Variants in MAP2K5 observed in about 807,000 individuals in gnomAD.
The protein encoded by MAP2K5 is dual specificity mitogen-activated protein kinase kinase 5.
A neutral mutation model predicts 83.1 loss-of-function variants in MAP2K5; 49 were observed. That is an observed-to-expected ratio of 0.59 (90% CI 0.47 to 0.75). The LOEUF is 0.75. MAP2K5 is among the 30% of genes least tolerant of loss of function. The pLI, the probability that MAP2K5 is intolerant of heterozygous loss-of-function variation, is 0.00. For synonymous variants in MAP2K5, 202 were observed against 191.8 expected, an observed-to-expected ratio of 1.05 and a Z score of -0.44; for missense variants, 457 against 557.5, an observed-to-expected ratio of 0.82 and a Z score of 1.82.
chr15:67,667,965 T>A (rs1268058455), intron 13 of MAP2K5, among the ~76,000 whole-genome samples: 1 of 152,170 alleles, frequency 6.6e-6, no homozygotes, highest in Non-Finnish European at 1.5e-5. Flanking sequence ...AAACCACTCA[T>A]CCCATGAGGC....
Position 67,646,468 on chromosome 15 carries a change from TG to T in MAP2K5, c.736+1del. On this transcript the variant is annotated frameshift_variant and splice_region_variant, in exon 11 of 22. Transcript: ENST00000178640. LOFTEE classifies it high-confidence loss of function. ...RISICTEFMD[G>X]GSLDVYRKMP... ...TTTCAATATGTACAGAATTCATGGA[TG>T]GTGAGTTTTCCCTTTTATAATACTT... 6.4e-7 allele frequency: 1 copy of T among 1,563,718 alleles called. No individual in the cohort carries two copies.
rs1398912715 is a variant in MAP2K5 at position 67,562,040 on chromosome 15, A to T, written c.185-1243A>T. On this transcript the variant is annotated intron_variant, in intron 2 of 21. Transcript: ENST00000178640. The surrounding 1 kb of genome is among the most constrained non-coding windows in gnomAD (Gnocchi z 4.1). ...GGGATCAGAACAGTCTTTCTATATGATCAAATCAGCAATTATATGCCCAAG... is the reference window on the plus strand; with the variant it reads ...GGGATCAGAACAGTCTTTCTATATGTTCAAATCAGCAATTATATGCCCAAG... Among the ~76,000 whole-genome samples the T allele has an allele frequency of 6.6e-6, 1 of 152,220 alleles. No homozygotes were observed. The highest frequency in any genetic ancestry group is 2.4e-5 in the African/African-American group (1 of 41,452).
chr15:67,623,411 A>G (rs893298903), intron 8 of MAP2K5, among the ~76,000 whole-genome samples: 1 of 152,170 alleles, frequency 6.6e-6, no homozygotes, highest in Non-Finnish European at 1.5e-5. Flanking sequence ...CTACGTGTTT[A>G]AGTTTTTCTT....
At chr15:67,667,815 TA>T (rs1386000769) in intron 13 of MAP2K5, among the ~76,000 whole-genome samples, 1 of 152,216 alleles carries the variant, frequency 6.6e-6, no homozygotes, top group Admixed American at 6.5e-5. Flanking sequence ...AGAAAGTGTA[TA>T]AATAAGTAGT....
chr15:67,585,147 T>A (rs1054691268), intron 4 of MAP2K5, among the ~76,000 whole-genome samples: 3 of 149,778 alleles, frequency 2.0e-5, no homozygotes, highest in Admixed American at 2.0e-4. Context: ...CCCCTTAACA[T>A]ACAATTTGTA....
intron 8 of MAP2K5, among the ~76,000 whole-genome samples, chr15:67,607,811 A>G (rs1363198925): frequency 1.3e-5 from 2 of 152,072 alleles, no homozygotes; most frequent in Non-Finnish European, 2.9e-5. Flanking sequence ...TTTTTATGAT[A>G]GTATAATTAT....
intron 1 of MAP2K5, among the ~76,000 whole-genome samples, chr15:67,547,698 C>T (rs571448607): frequency 6.6e-6 from 1 of 152,198 alleles, no homozygotes; most frequent in South Asian, 2.1e-4. Flanking sequence ...CTCAAGTGAT[C>T]CACCCACTTC....
intron 20 of MAP2K5, among the ~76,000 whole-genome samples, chr15:67,772,003 G>T (rs1171150427): frequency 1.3e-5 from 2 of 152,158 alleles, no homozygotes; most frequent in Non-Finnish European, 2.9e-5. Flanking sequence ...CTAAGTACAT[G>T]TTACAGCTAC....
intron 17 of MAP2K5, among the ~76,000 whole-genome samples, chr15:67,728,527 C>T (rs572801021): frequency 6.6e-6 from 1 of 152,026 alleles, no homozygotes. Flanking sequence ...TAGAAGGGTA[C>T]CAGCACTAAA....
rs1249964171 is a variant in MAP2K5, at chr15:67,736,065, C to CTA, written c.1074+8120_1074+8121insTA. The stretch of plus-strand genomic sequence containing the variant: ...ACCATTGTTACTTTCATTTCCCTAA[C>CTA]AGCTTAGCAATTCTCCTAGGTAACT... On this transcript the variant is annotated intron_variant, in intron 17 of 21. Coordinates refer to ENST00000178640, the MANE Select transcript of MAP2K5 (RefSeq NM_145160.3). This position sits in a 1 kb window ranked among gnomAD's most constrained non-coding sequence, Gnocchi z 4.3. Among the ~76,000 whole-genome samples, 2 of 152,216 alleles carry CTA rather than the reference C, an allele frequency of 1.3e-5. No individual in the cohort carries two copies. Among genetic ancestry groups the CTA allele is most frequent in the East Asian group, 3.8e-4 (2 of 5,202 alleles).
chr15:67,631,597 A>G (rs1447958597), intron 9 of MAP2K5, among the ~76,000 whole-genome samples: 1 of 152,174 alleles, frequency 6.6e-6, no homozygotes, highest in Admixed American at 6.6e-5. Context: ...ACCTGCCAAT[A>G]GAGTCAGGCT....
Position 67,801,100 on chromosome 15 carries a change from A to G in MAP2K5, c.1243-5546A>G, listed in dbSNP as rs1023144118. Among the ~76,000 whole-genome samples the G allele has an allele frequency of 2.0e-5, 3 of 152,196 alleles. No individual in the cohort carries two copies. Among genetic ancestry groups the G allele is most frequent in the African/African-American group, 7.2e-5 (3 of 41,452 alleles). On this transcript the variant is annotated intron_variant, in intron 21 of 21. Coordinates refer to ENST00000178640, the MANE Select transcript of MAP2K5 (RefSeq NM_145160.3). This position sits in a 1 kb window ranked among gnomAD's most constrained non-coding sequence, Gnocchi z 4.8. ...CCCTATGGCTCCGCTGGACTGTGAGATCCCATCTAGTCCTAACACTCCATT... is the reference window on the plus strand; with the variant it reads ...CCCTATGGCTCCGCTGGACTGTGAGGTCCCATCTAGTCCTAACACTCCATT...
At position 67,748,996 on chromosome 15, in the gene MAP2K5, AT is replaced by A. The variant is rs2089665080; in HGVS notation, c.1134+398del. ...GAAGAGCAAGCATAAGCTGGATGAA[AT>A]TTGCCTGCCTTGAGTTATTTACCCA... On this transcript the variant is annotated intron_variant, in intron 19 of 21. Transcript: ENST00000178640. This position sits in a 1 kb window ranked among gnomAD's most constrained non-coding sequence, Gnocchi z 4.0. 6.6e-6 allele frequency among the ~76,000 whole-genome samples: 1 copy of A among 152,184 alleles called. No homozygotes were observed. Among genetic ancestry groups the A allele is most frequent in the Admixed American group, 6.5e-5 (1 of 15,276 alleles).
chr15:67,593,526 A>G (rs778227244), intron 7 of MAP2K5, among the ~76,000 whole-genome samples: 91 of 152,326 alleles, frequency 6.0e-4, no homozygotes, highest in Middle Eastern at 6.8e-3. Context: ...ATTTCTTACT[A>G]ATTTTGATTC....
chr15:67,686,283 C>A (rs957302243), intron 13 of MAP2K5, among the ~76,000 whole-genome samples: 4 of 152,066 alleles, frequency 2.6e-5, no homozygotes, highest in Admixed American at 2.6e-4. Flanking sequence ...GATATATCAT[C>A]CAACAATAAT....
chr15:67,663,715 A>G (rs986962083), intron 12 of MAP2K5, among the ~76,000 whole-genome samples: 1 of 152,126 alleles, frequency 6.6e-6, no homozygotes, highest in Admixed American at 6.6e-5. Flanking sequence ...TCTACAAAAA[A>G]TATTTTAAAA....
At position 67,543,669 on chromosome 15, in the gene MAP2K5, T is replaced by C. The variant is rs935331708; in HGVS notation, c.135+199T>C. Among the ~76,000 whole-genome samples the C allele has an allele frequency of 2.6e-5, 4 of 152,242 alleles. No homozygotes were observed. In the South Asian group the frequency reaches 8.3e-4, roughly 32 times the overall value. On this transcript the variant is annotated intron_variant, in intron 1 of 21. Transcript: ENST00000178640. This position sits in a 1 kb window ranked among gnomAD's most constrained non-coding sequence, Gnocchi z 4.3. ...GCAAATGTCTAGGACCCTGGGGAGA[T>C]AGATCAATCTGACTGAACCCCTGCC...
rs576196731 is a variant in MAP2K5, at chr15:67,561,068, A to T, written c.185-2215A>T. Among the ~76,000 whole-genome samples, 1 of 152,350 alleles carries T rather than the reference A, an allele frequency of 6.6e-6. No individual in the cohort carries two copies. Among genetic ancestry groups the T allele is most frequent in the East Asian group, 1.9e-4 (1 of 5,190 alleles). On this transcript the variant is annotated intron_variant, in intron 2 of 21. Coordinates refer to ENST00000178640, the MANE Select transcript of MAP2K5 (RefSeq NM_145160.3). This position sits in a 1 kb window ranked among gnomAD's most constrained non-coding sequence, Gnocchi z 4.2. ...TAACCATAATCTCTATAGCTAGCTT[A>T]GTTGCAGAAATGAGATTTATTTTAA... is the stretch of plus-strand genomic sequence containing the variant.
intron 2 of MAP2K5, among the ~76,000 whole-genome samples, chr15:67,556,538 T>G (rs2084628828): frequency 7.1e-6 from 1 of 140,390 alleles, no homozygotes; most frequent in South Asian, 2.3e-4. Flanking sequence ...TGTTTATTTT[T>G]CTTTTTCTTT....
Sources: allele counts gnomAD v4.1 joint callset (sites outside exome capture counted in the v4.1 genomes callset), GRCh38; gene constraint gnomAD v4.1.1; non-coding constraint Gnocchi (gnomAD v3.1); transcripts MANE v1.5; gene names NCBI Gene and HGNC (gene_info 2026-07-23, HGNC 2026-07-21).